PDE3A: variants seen among roughly 807,000 people sequenced by gnomAD.
PDE3A encodes the protein cGMP-inhibited 3',5'-cyclic phosphodiesterase 3A.
Under a neutral mutation model 98.3 loss-of-function variants are expected in PDE3A, and 43 were observed. The observed-to-expected ratio is 0.44, with a 90% CI of 0.34 to 0.56. PDE3A has a LOEUF of 0.56. Ranked by LOEUF, PDE3A falls within the 20% of genes least tolerant of loss-of-function variation. PDE3A has a pLI of 0.01. For missense variants in PDE3A, 1,427 were observed against 1,440.7 expected (o/e 0.99, Z 0.15); for synonymous variants, 663 against 567.9 (o/e 1.17, Z -2.38).
intron 1 of PDE3A, among the ~76,000 whole-genome samples, chr12:20,375,183 T>A (rs1943548474): frequency 6.6e-6 from 1 of 152,042 alleles, no homozygotes; most frequent in Non-Finnish European, 1.5e-5. Context: ...GAAATAATTC[T>A]GAAGACCCTC....
At chr12:20,448,100 G>A (rs988989572) in intron 1 of PDE3A, among the ~76,000 whole-genome samples, 1 of 152,114 alleles carries the variant, frequency 6.6e-6, no homozygotes, top group African/African-American at 2.4e-5. Flanking sequence ...TCACAGCGAG[G>A]AGCCCATTAA....
intron 2 of PDE3A, among the ~76,000 whole-genome samples, chr12:20,611,674 TAC>T (rs1281172770): frequency 1.3e-5 from 2 of 151,936 alleles, no homozygotes; most frequent in African/African-American, 4.8e-5. Flanking sequence ...ATGATAATTT[TAC>T]AGAGTAATTT....
intron 1 of PDE3A, among the ~76,000 whole-genome samples, chr12:20,477,286 A>G (rs1223633533): frequency 1.3e-5 from 2 of 152,222 alleles, no homozygotes; most frequent in Non-Finnish European, 2.9e-5. Context: ...AAAGAAAAAT[A>G]TGAGATAATA....
At chr12:20,516,496 T>C (rs150412334) in intron 1 of PDE3A, among the ~76,000 whole-genome samples, 2 of 152,224 alleles carry the variant, frequency 1.3e-5, no homozygotes, top group Non-Finnish European at 2.9e-5. Context: ...TTACCTGGCA[T>C]GTAGAATACC....
At chr12:20,542,687 G>A (rs1941949751) in intron 1 of PDE3A, among the ~76,000 whole-genome samples, 1 of 152,024 alleles carries the variant, frequency 6.6e-6, no homozygotes, top group African/African-American at 2.4e-5. Context: ...ATATTGTTGA[G>A]TTAAAGCTTT....
chr12:20,475,634 G>A (rs958498486), intron 1 of PDE3A, among the ~76,000 whole-genome samples: 1 of 152,128 alleles, frequency 6.6e-6, no homozygotes, highest in Admixed American at 6.5e-5. Flanking sequence ...AGAGGCTGAA[G>A]TAGGAGGATT....
chr12:20,630,004 A>T lies in PDE3A; in HGVS notation c.1637A>T (p.Gln546Leu), dbSNP rs773566016. ...SSLVSKISAV[Q>L]FPESADTTAK... ...CTGGTCAGCAAAATTTCTGCAGTGC[A>T]GTTTCCAGAATCTGCTGACACAACT... Residue 546 changes from glutamine to leucine, a missense_variant, in exon 6 of 16, where the codon CAG becomes CTG. By Grantham distance (113) the Gln-to-Leu change is moderately radical. Coordinates refer to ENST00000359062, the MANE Select transcript of PDE3A (RefSeq NM_000921.5). 3 of 1,614,014 alleles carry T rather than the reference A, an allele frequency of 1.9e-6. No homozygotes were observed. The highest frequency in any genetic ancestry group is 2.5e-6 in the Non-Finnish European group (3 of 1,179,910).
chr12:20,484,203 A>G (rs936903380), intron 1 of PDE3A, among the ~76,000 whole-genome samples: 2 of 152,190 alleles, frequency 1.3e-5, no homozygotes, highest in Non-Finnish European at 2.9e-5. Flanking sequence ...TCCCCTCCTC[A>G]AACTAGTCCC....
At chr12:20,464,233 A>ATATATAT (rs1431075037) in intron 1 of PDE3A, among the ~76,000 whole-genome samples, 1 of 152,194 alleles carries the variant, frequency 6.6e-6, no homozygotes, top group African/African-American at 2.4e-5. Flanking sequence ...AATGCACACA[A>ATATATAT]ATATAATTGC....
intron 1 of PDE3A, among the ~76,000 whole-genome samples, chr12:20,406,431 A>G (rs933462332): frequency 1.3e-5 from 2 of 152,184 alleles, no homozygotes; most frequent in Non-Finnish European, 2.9e-5. Flanking sequence ...AATAGGTGTG[A>G]GGGAATATCT....
chr12:20,479,843 T>C (rs1428251542), intron 1 of PDE3A, among the ~76,000 whole-genome samples: 2 of 152,134 alleles, frequency 1.3e-5, no homozygotes, highest in Non-Finnish European at 2.9e-5. Context: ...TTCAACAAAG[T>C]CTTAAATTGA....
At chr12:20,476,909 T>C (rs1300349926) in intron 1 of PDE3A, among the ~76,000 whole-genome samples, 1 of 152,232 alleles carries the variant, frequency 6.6e-6, no homozygotes, top group African/African-American at 2.4e-5. Context: ...TCCCATATTC[T>C]TTTGTGTCAT....
At chr12:20,545,624 C>T (rs1218387021) in intron 1 of PDE3A, among the ~76,000 whole-genome samples, 2 of 151,724 alleles carry the variant, frequency 1.3e-5, no homozygotes, top group South Asian at 2.1e-4. Flanking sequence ...TGAAGGTTTA[C>T]GAGGAATACA....
At chr12:20,602,607 T>G (rs915301163) in intron 2 of PDE3A, among the ~76,000 whole-genome samples, 1 of 152,172 alleles carries the variant, frequency 6.6e-6, no homozygotes, top group Non-Finnish European at 1.5e-5. Flanking sequence ...TTGTTATGTT[T>G]CACATCTCAC....
intron 1 of PDE3A, among the ~76,000 whole-genome samples, chr12:20,399,439 C>A (rs1056295135): frequency 6.6e-6 from 1 of 152,160 alleles, no homozygotes. Flanking sequence ...CCTAATCAAT[C>A]AGCTCCTCAT....
intron 15 of PDE3A, among the ~76,000 whole-genome samples, chr12:20,670,235 A>T (rs1415485741): frequency 1.3e-5 from 2 of 149,108 alleles, no homozygotes; most frequent in Non-Finnish European, 3.0e-5. Flanking sequence ...TTAGACTCCC[A>T]CACATTAATA....
intron 14 of PDE3A, among the ~76,000 whole-genome samples, chr12:20,653,644 C>A (rs1442193569): frequency 1.3e-5 from 2 of 152,158 alleles, no homozygotes; most frequent in Non-Finnish European, 1.5e-5. Context: ...CCACGCCCAG[C>A]CTCACCATTG....
At chr12:20,668,963 A>T (rs7484287) in intron 15 of PDE3A, among the ~76,000 whole-genome samples, 4 of 147,768 alleles carry the variant, frequency 2.7e-5, no homozygotes, top group African/African-American at 1.0e-4. Context: ...AAAATTTAGA[A>T]GAATGTATAA....
chr12:20,607,776 G>A (rs769560824), intron 2 of PDE3A, among the ~76,000 whole-genome samples: 26 of 152,000 alleles, frequency 1.7e-4, no homozygotes, highest in African/African-American at 6.0e-4. Flanking sequence ...ACTCAACTGC[G>A]ATTTTGTGCT....
Sources: gnomAD v4.1 joint callset for allele counts (sites outside exome capture counted in the v4.1 genomes callset) on GRCh38, gnomAD v4.1.1 for gene constraint, MANE v1.5 for transcripts, NCBI Gene and HGNC (gene_info 2026-07-23, HGNC 2026-07-21) for gene names.